The following DMXL1 variants were observed in gnomAD, a reference collection of about 807,000 sequenced individuals.
DMXL1 encodes the protein dmX-like protein 1.
Under a neutral mutation model 319.2 loss-of-function variants are expected in DMXL1, and 99 were observed. The observed-to-expected ratio is 0.31, with a 90% CI of 0.26 to 0.37. The LOEUF (loss-of-function observed/expected upper bound fraction) is 0.37, where lower values mean the gene tolerates loss of function less well. DMXL1 is among the 10% of genes least tolerant of loss of function. DMXL1 has a pLI of 1.00. For synonymous variants in DMXL1, 1,385 were observed against 1,235.2 expected, an observed-to-expected ratio of 1.12 and a Z score of -2.54; for missense variants, 3,745 against 3,595.6, an observed-to-expected ratio of 1.04 and a Z score of -1.06.
At chr5:119,082,903 T>C (rs572115084) in intron 1 of DMXL1, among the ~76,000 whole-genome samples, 13 of 152,268 alleles carry the variant, frequency 8.5e-5, no homozygotes, top group Non-Finnish European at 1.6e-4. Context: ...ACCATCAGTC[T>C]GCTCTTTATG....
chr5:119,150,099 G>A lies in DMXL1; in HGVS notation c.4272G>A (p.Glu1424=), dbSNP rs921078286. 1.2e-6 allele frequency: 2 copies of A among 1,613,780 alleles called. No individual in the cohort carries two copies. Among genetic ancestry groups the A allele is most frequent in the Non-Finnish European group, 1.7e-6 (2 of 1,179,890 alleles). Residue 1424 remains glutamate (E), a synonymous_variant, in exon 18 of 44, where the codon GAG becomes GAA. Transcript: ENST00000539542. ...ATGATAGCTGTTACTCATCTTTGGA[G>A]AAATCTAGTAATGAGAGTACGTTAA... The part of the protein sequence containing the change: ...ADDDSCYSSL[E]KSSNESTLSK...
At chr5:119,202,867 A>T (rs1780975721) in intron 32 of DMXL1, among the ~76,000 whole-genome samples, 2 of 101,154 alleles carry the variant, frequency 2.0e-5, no homozygotes, top group African/African-American at 6.9e-5. Context: ...ATACATACAT[A>T]TATATATATA....
At chr5:119,124,966 A>C (rs1377769289) in intron 9 of DMXL1, among the ~76,000 whole-genome samples, 1 of 152,218 alleles carries the variant, frequency 6.6e-6, no homozygotes, top group East Asian at 1.9e-4. Context: ...AATTATAGAC[A>C]TTTTATCATG....
chr5:119,170,933 T>C lies in DMXL1; in HGVS notation c.6142T>C (p.Tyr2048His). 2.5e-6 allele frequency: 4 copies of C among 1,613,686 alleles called. No homozygotes were observed. The highest frequency in any genetic ancestry group is 3.4e-6 in the Non-Finnish European group (4 of 1,179,870). The change falls in exon 24 of 44, where the codon TAT becomes CAT. Residue 2048 changes from tyrosine (Y) to histidine (H), a missense_variant. Around this residue, in one of 4 missense-constraint regions of DMXL1, gnomAD observed 1,382 missense variants for 1,269.5 expected, o/e 1.09. Coordinates refer to ENST00000539542, the MANE Select transcript of DMXL1 (RefSeq NM_001290321.3). ...TVELRTLSTG[Y>H]EIDGGKLRYQ... Reference sequence around the variant, plus strand: ...AGAACTTCGTACTTTATCTACTGGCTATGAAATAGATGGTGGAAAATTGCG... The same window carrying C: ...AGAACTTCGTACTTTATCTACTGGCCATGAAATAGATGGTGGAAAATTGCG...
chr5:119,159,515 C>T (rs1461007538), intron 19 of DMXL1, among the ~76,000 whole-genome samples: 2 of 152,180 alleles, frequency 1.3e-5, no homozygotes, highest in Non-Finnish European at 2.9e-5. Flanking sequence ...TTATCTATTT[C>T]TTCTGGGTTA....
Position 119,170,665 on chromosome 5 carries a change from G to A in DMXL1, c.5874G>A (p.Val1958=), listed in dbSNP as rs148822937. The A allele has an allele frequency of 5.6e-4, 899 of 1,613,622 alleles. 2 individuals are homozygous for A. The highest frequency in any genetic ancestry group is 4.6e-4 in the Non-Finnish European group (543 of 1,179,880). Residue 1958 remains valine, a synonymous_variant, in exon 24 of 44, where the codon GTG becomes GTA. Coordinates refer to ENST00000539542, the MANE Select transcript of DMXL1 (RefSeq NM_001290321.3). ...TTGACTGGAGCCAACCAAGTGTTGT[G>A]TTTCAGGATGACTCTTTAGAGTTAA... ...LSFDWSQPSV[V]FQDDSLELKW...
At chr5:119,234,916 A>G (rs868855770) in intron 39 of DMXL1, among the ~76,000 whole-genome samples, 4 of 152,206 alleles carry the variant, frequency 2.6e-5, no homozygotes, top group Middle Eastern at 3.4e-3. Flanking sequence ...TAATGTGACT[A>G]TTTTTCAGCT....
At chr5:119,087,238 C>T (rs1177942534) in intron 1 of DMXL1, among the ~76,000 whole-genome samples, 1 of 151,190 alleles carries the variant, frequency 6.6e-6, no homozygotes, top group Non-Finnish European at 1.5e-5. Context: ...TTTCAAGTTC[C>T]TTGAGGTGCA....
At chr5:119,179,791 T>C (rs1226632911) in intron 28 of DMXL1, among the ~76,000 whole-genome samples, 2 of 152,176 alleles carry the variant, frequency 1.3e-5, no homozygotes, top group African/African-American at 2.4e-5. Context: ...GCTAGGACTC[T>C]CATACTTTCT....
At chr5:119,240,248 T>A (rs753098913) in intron 41 of DMXL1, among the ~76,000 whole-genome samples, 171 bp from the exon 42 acceptor site, 4 of 152,198 alleles carry the variant, frequency 2.6e-5, no homozygotes, top group Non-Finnish European at 5.9e-5. Context: ...ATTCTTTTTT[T>A]TATATAAAAA....
chr5:119,092,019 G>C lies in DMXL1; in HGVS notation c.88-5960G>C, dbSNP rs551069256. Among the ~76,000 whole-genome samples, 12 of 152,308 alleles carry C rather than the reference G, an allele frequency of 7.9e-5. No homozygotes were observed. In the East Asian group the frequency reaches 2.1e-3, roughly 27 times the overall value. ...GAGAACCCAATATGGTGGGGAAGCTGGCTGTTCACCATAATCTCCCTTTTT... is the reference window on the plus strand; with the variant it reads ...GAGAACCCAATATGGTGGGGAAGCTCGCTGTTCACCATAATCTCCCTTTTT... On this transcript the variant is annotated intron_variant, in intron 1 of 43. Coordinates refer to ENST00000539542, the MANE Select transcript of DMXL1 (RefSeq NM_001290321.3).
chr5:119,165,357 TTTG>T, intron 21 of DMXL1, 77 bp downstream of exon 21: 1 of 754,870 alleles, frequency 1.3e-6, no homozygotes, highest in Non-Finnish European at 2.2e-6. Flanking sequence ...TGAAGTAAGA[TTTG>T]TTGTTCTTGT....
chr5:119,166,346 A>G (rs1033819691), intron 21 of DMXL1, among the ~76,000 whole-genome samples: 5 of 152,184 alleles, frequency 3.3e-5, no homozygotes, highest in African/African-American at 1.2e-4. Flanking sequence ...TAAATCAAAC[A>G]TTTTGCATGG....
At chr5:119,239,788 T>C (rs1485497032) in intron 41 of DMXL1, among the ~76,000 whole-genome samples, 2 of 151,690 alleles carry the variant, frequency 1.3e-5, no homozygotes, top group African/African-American at 4.8e-5. Flanking sequence ...AAACCCTATC[T>C]CTACTAAAAA....
At chr5:119,233,559 G>A in intron 39 of DMXL1, 92 bp downstream of exon 39, 1 of 1,002,508 alleles carries the variant, frequency 1.0e-6, no homozygotes, top group Non-Finnish European at 1.5e-6. Context: ...ACAGCTCCGT[G>A]GGTAGTAGTA....
intron 5 of DMXL1, among the ~76,000 whole-genome samples, chr5:119,111,214 A>G (rs991043389): frequency 1.9e-4 from 12 of 61,782 alleles, no homozygotes; most frequent in Admixed American, 5.4e-4. Context: ...ATGAAACAAA[A>G]ATATTAGAGG....
At chr5:119,174,873 C>T (rs1050888083) in intron 25 of DMXL1, among the ~76,000 whole-genome samples, 5 of 152,220 alleles carry the variant, frequency 3.3e-5, no homozygotes, top group South Asian at 2.1e-4. Flanking sequence ...GTGACCTGTC[C>T]GTTGGTGAAC....
intron 1 of DMXL1, among the ~76,000 whole-genome samples, chr5:119,072,315 C>T (rs1463051813): frequency 6.6e-6 from 1 of 152,000 alleles, no homozygotes; most frequent in Non-Finnish European, 1.5e-5. Flanking sequence ...CACCAAATTT[C>T]GGGCTACTTG....
At chr5:119,202,889 A>ATATTTT (rs1554139471) in intron 32 of DMXL1, among the ~76,000 whole-genome samples, 1 of 141,440 alleles carries the variant, frequency 7.1e-6, no homozygotes, top group African/African-American at 2.6e-5. Flanking sequence ...ATATTTTTAT[A>ATATTTT]TATATATATA....
Sources: gnomAD v4.1 joint callset for allele counts (sites outside exome capture counted in the v4.1 genomes callset) on GRCh38, gnomAD v4.1.1 for gene constraint, gnomAD v4.1.1 regional missense constraint, MANE v1.5 for transcripts, NCBI Gene and HGNC (gene_info 2026-07-23, HGNC 2026-07-21) for gene names.